Variants in SPIDR observed in about 807,000 individuals in gnomAD.
SPIDR encodes the protein scaffold protein involved in DNA repair.
A neutral mutation model predicts 104.6 loss-of-function variants in SPIDR; 93 were observed. The observed-to-expected ratio is 0.89, with a 90% confidence interval of 0.75 to 1.06. SPIDR has a LOEUF of 1.06. Ranked by LOEUF, SPIDR falls within the 50% of genes least tolerant of loss-of-function variation. The pLI, the probability that SPIDR is intolerant of heterozygous loss-of-function variation, is 0.00. For synonymous variants in SPIDR, 431 were observed against 416.9 expected (o/e 1.03, Z -0.41); for missense variants, 1,154 against 1,111.2 (o/e 1.04, Z -0.55).
chr8:47,340,582 A>G (rs567435587), intron 5 of SPIDR, among the ~76,000 whole-genome samples: 13 of 152,312 alleles, frequency 8.5e-5, no homozygotes, highest in Admixed American at 2.0e-4. Flanking sequence ...AGTCTGGGTG[A>G]CAGAGTGAGA....
intron 10 of SPIDR, among the ~76,000 whole-genome samples, chr8:47,666,062 T>TC (rs1418281597): frequency 1.3e-5 from 2 of 152,234 alleles, no homozygotes; most frequent in Non-Finnish European, 2.9e-5. Context: ...ATTACTGTGT[T>TC]TGAAAGGTTG....
intron 7 of SPIDR, 78 bp from the exon 8 acceptor site, chr8:47,440,245 T>C: frequency 7.5e-7 from 1 of 1,332,370 alleles, no homozygotes; most frequent in East Asian, 2.3e-5. Context: ...TGGATCTTTT[T>C]TTCATGACAC....
At chr8:47,301,976 AT>A in intron 5 of SPIDR, among the ~76,000 whole-genome samples, 1 of 133,598 alleles carries the variant, frequency 7.5e-6, no homozygotes, top group Middle Eastern at 3.9e-3. Flanking sequence ...TATTTCCTGA[AT>A]TTGAATGTTG....
At chr8:47,371,653 G>T (rs1166818421) in intron 5 of SPIDR, among the ~76,000 whole-genome samples, 2 of 152,128 alleles carry the variant, frequency 1.3e-5, no homozygotes, top group Non-Finnish European at 2.9e-5. Context: ...AGGAATCTTG[G>T]GGGGAGACAC....
chr8:47,500,248 CA>C (rs2080166037), intron 8 of SPIDR, among the ~76,000 whole-genome samples: 1 of 152,168 alleles, frequency 6.6e-6, no homozygotes. Context: ...AACTAGTTTA[CA>C]GTCCCACCAA....
At chr8:47,512,753 G>A (rs1285485199) in intron 8 of SPIDR, among the ~76,000 whole-genome samples, 1 of 152,190 alleles carries the variant, frequency 6.6e-6, no homozygotes, top group Non-Finnish European at 1.5e-5. Context: ...GAAAAGGACA[G>A]TTTATAATCA....
chr8:47,679,305 C>T (rs2076815062), intron 11 of SPIDR, among the ~76,000 whole-genome samples: 1 of 152,236 alleles, frequency 6.6e-6, no homozygotes. Flanking sequence ...AGGAGCCCTC[C>T]AGTGCATCAT....
At chr8:47,473,591 A>G (rs1253048302) in intron 8 of SPIDR, among the ~76,000 whole-genome samples, 3 of 152,178 alleles carry the variant, frequency 2.0e-5, no homozygotes, top group African/African-American at 4.8e-5. Context: ...TCTATTGTGC[A>G]TGACACCATG....
chr8:47,299,468 C>T (rs1292316288), intron 5 of SPIDR, among the ~76,000 whole-genome samples: 1 of 152,040 alleles, frequency 6.6e-6, no homozygotes, highest in Middle Eastern at 3.4e-3. Context: ...ATTGCCCTGG[C>T]CAGAACTTCC....
At chr8:47,363,821 G>A (rs1383628791) in intron 5 of SPIDR, among the ~76,000 whole-genome samples, 2 of 151,466 alleles carry the variant, frequency 1.3e-5, no homozygotes, top group Non-Finnish European at 2.9e-5. Context: ...TGGTATCTAG[G>A]TGGTTTTTCT....
intron 8 of SPIDR, among the ~76,000 whole-genome samples, chr8:47,473,297 CCTTA>C (rs2075929229): frequency 6.6e-6 from 1 of 152,158 alleles, no homozygotes; most frequent in Admixed American, 6.6e-5. Context: ...AGAAGGTTTT[CCTTA>C]CTTTTTCCAG....
chr8:47,426,040 C>G (rs1377673092), intron 7 of SPIDR, among the ~76,000 whole-genome samples: 2 of 149,216 alleles, frequency 1.3e-5, no homozygotes, highest in Non-Finnish European at 3.0e-5. Context: ...GTCAGGAGTT[C>G]AAGACCAGCC....
At chr8:47,299,331 C>T (rs1251722702) in intron 5 of SPIDR, among the ~76,000 whole-genome samples, 2 of 152,188 alleles carry the variant, frequency 1.3e-5, no homozygotes, top group African/African-American at 4.8e-5. Context: ...AGTTGCCTGT[C>T]AGCTTAAGGA....
intron 11 of SPIDR, 24 bp downstream of exon 11, chr8:47,673,965 C>T: frequency 1.9e-6 from 3 of 1,604,122 alleles, no homozygotes; most frequent in Non-Finnish European, 2.6e-6. Flanking sequence ...GGAATGGCAT[C>T]CAATTTGCTA....
rs1191573378 is a variant in SPIDR, at chr8:47,281,891, CCATATGA to C, written c.189+1878_189+1884del. ...GAGTCACTATCTGTGGCAGCTACAGCCATATGACATGTATTTCTGAAATAATAAGATT... is the reference window on the plus strand; with the variant it reads ...GAGTCACTATCTGTGGCAGCTACAGCCATGTATTTCTGAAATAATAAGATT... On this transcript the variant is annotated intron_variant, in intron 2 of 19. Transcript: ENST00000297423. Among the ~76,000 whole-genome samples the C allele has an allele frequency of 2.6e-5, 4 of 152,314 alleles. No individual in the cohort carries two copies. In the East Asian group the frequency reaches 7.7e-4, roughly 29 times the overall value.
At chr8:47,729,099 G>A (rs750476778) in intron 18 of SPIDR, 52 bp downstream of exon 18, 22 of 1,599,792 alleles carry the variant, frequency 1.4e-5, no homozygotes, top group East Asian at 4.5e-5. Context: ...CCAACATAGC[G>A]AAGGTGAGAC....
chr8:47,583,039 A>G (rs982070771), intron 8 of SPIDR, among the ~76,000 whole-genome samples: 7 of 151,840 alleles, frequency 4.6e-5, no homozygotes, highest in Admixed American at 1.3e-4. Flanking sequence ...TCCTACCACT[A>G]TGGCCACCAA....
chr8:47,658,750 C>G (rs28729659), intron 10 of SPIDR, among the ~76,000 whole-genome samples: 58 of 151,976 alleles, frequency 3.8e-4, no homozygotes, highest in Admixed American at 1.1e-3. Context: ...GCCTGGCCAA[C>G]GTAGCGAAAC....
chr8:47,351,517 G>A (rs2053506904), intron 5 of SPIDR, among the ~76,000 whole-genome samples: 2 of 152,114 alleles, frequency 1.3e-5, no homozygotes, highest in Non-Finnish European at 2.9e-5. Flanking sequence ...CCATAGGGTG[G>A]GGAAGATGAT....
Sources: gnomAD v4.1 joint callset for allele counts (sites outside exome capture counted in the v4.1 genomes callset) on GRCh38, gnomAD v4.1.1 for gene constraint, MANE v1.5 for transcripts, NCBI Gene and HGNC (gene_info 2026-07-23, HGNC 2026-07-21) for gene names.